Variants in AFF2 observed in about 807,000 individuals in gnomAD.
AFF2 encodes the protein AF4/FMR2 family member 2.
A neutral mutation model predicts 76.9 loss-of-function variants in AFF2; 14 were observed. That is an observed-to-expected ratio of 0.18 (90% CI 0.12 to 0.28). AFF2 has a LOEUF of 0.28. Ranked by LOEUF, AFF2 falls within the 10% of genes least tolerant of loss-of-function variation. The probability of loss-of-function intolerance (pLI) is 1.00; values close to 1 mark genes in which losing one functional copy is unlikely to be tolerated. For missense variants in AFF2, 868 were observed against 1,001.1 expected, an observed-to-expected ratio of 0.87 and a Z score of 1.79; for synonymous variants, 398 against 366.7, an observed-to-expected ratio of 1.09 and a Z score of -0.98.
At chrX:148,965,118 C>T (rs1205005464) in intron 13 of AFF2, among the ~76,000 whole-genome samples, 1 of 111,639 alleles carries the variant, frequency 9.0e-6, no homozygotes, top group Non-Finnish European at 1.9e-5. Context: ...TCAGGAAGCT[C>T]AAGCTAGCAG....
At chrX:148,588,699 T>C (rs1489229790) in intron 1 of AFF2, among the ~76,000 whole-genome samples, 1 of 112,057 alleles carries the variant, frequency 8.9e-6, no homozygotes, top group African/African-American at 3.2e-5. Context: ...CTTACCAGTG[T>C]AGTCATGTTT....
Position 148,918,270 on chromosome X carries a change from T to C in AFF2, c.1397+14012T>C, listed in dbSNP as rs782780664. Among the ~76,000 whole-genome samples the C allele has an allele frequency of 1.7e-4, 19 of 112,899 alleles. No homozygotes were observed. The Admixed American group carries it at 1.8e-3, about 11-fold the overall frequency. Reference sequence around the variant, plus strand: ...CAAGACTTATTGGCTAGCAGGCCAGTATTCAAATTGTAGCTCTTAACATGC... The same window carrying C: ...CAAGACTTATTGGCTAGCAGGCCAGCATTCAAATTGTAGCTCTTAACATGC... On this transcript the variant is annotated intron_variant, in intron 9 of 20. Transcript: ENST00000370460.
chrX:148,541,434 T>C (rs782543495), intron 1 of AFF2, among the ~76,000 whole-genome samples: 1 of 111,767 alleles, frequency 8.9e-6, no homozygotes, highest in African/African-American at 3.2e-5. Context: ...CAAGGGCCTC[T>C]ATTATTCGCT....
At chrX:148,566,071 G>A (rs2053166647) in intron 1 of AFF2, among the ~76,000 whole-genome samples, 1 of 111,465 alleles carries the variant, frequency 9.0e-6, no homozygotes, top group African/African-American at 3.3e-5. Flanking sequence ...TCTCTGCCAG[G>A]CACTGTGCCA....
chrX:148,618,614 A>T (rs900538466), intron 1 of AFF2, among the ~76,000 whole-genome samples: 10 of 111,121 alleles, frequency 9.0e-5, no homozygotes, highest in East Asian at 8.5e-4. Context: ...GATCTAATTT[A>T]AAAAAAATAC....
intron 3 of AFF2, among the ~76,000 whole-genome samples, chrX:148,669,487 G>T (rs1557258865): frequency 8.9e-6 from 1 of 112,035 alleles, no homozygotes; most frequent in Non-Finnish European, 1.9e-5. Context: ...ACAGTTCCAT[G>T]TGGCTGGGGA....
At chrX:148,586,054 C>A (rs782008102) in intron 1 of AFF2, among the ~76,000 whole-genome samples, 2 of 110,532 alleles carry the variant, frequency 1.8e-5, no homozygotes, top group Non-Finnish European at 3.8e-5. Flanking sequence ...GTATATCAGT[C>A]CATTTCTGCC....
At chrX:148,811,750 C>G (rs2070205545) in intron 4 of AFF2, among the ~76,000 whole-genome samples, 1 of 111,722 alleles carries the variant, frequency 9.0e-6, no homozygotes, top group Non-Finnish European at 1.9e-5. Context: ...TGACTAAATG[C>G]AGGAAGGAGG....
intron 1 of AFF2, among the ~76,000 whole-genome samples, chrX:148,582,244 G>GTGATATCATT (rs1557245221): frequency 1.3e-4 from 14 of 111,223 alleles, no homozygotes; most frequent in African/African-American, 4.6e-4. Flanking sequence ...TTTGCTTAAG[G>GTGATATCATT]TGGTAAGGTG....
At chrX:148,930,067 G>A (rs1479625893) in intron 9 of AFF2, among the ~76,000 whole-genome samples, 4 of 111,588 alleles carry the variant, frequency 3.6e-5, no homozygotes, top group Non-Finnish European at 7.5e-5. Flanking sequence ...GATTTTTACC[G>A]GCAAATGGGA....
chrX:148,944,940 T>C (rs889194052), intron 9 of AFF2, among the ~76,000 whole-genome samples: 3 of 111,948 alleles, frequency 2.7e-5, no homozygotes, highest in Admixed American at 9.4e-5. Context: ...TTCTCAGCTG[T>C]AAACTGGAAG....
At chrX:148,663,682 A>T (rs1218260887) in intron 3 of AFF2, among the ~76,000 whole-genome samples, 1 of 112,244 alleles carries the variant, frequency 8.9e-6, no homozygotes, top group Non-Finnish European at 1.9e-5. Context: ...GTCACTGGTG[A>T]CTAAAGGCTT....
At chrX:148,568,429 C>A (rs966609036) in intron 1 of AFF2, among the ~76,000 whole-genome samples, 18 of 111,919 alleles carry the variant, frequency 1.6e-4, no homozygotes, top group Non-Finnish European at 3.4e-4. Flanking sequence ...GAATGTTGGA[C>A]AAGACTTACA....
chrX:148,608,351 G>A (rs1332615990), intron 1 of AFF2, among the ~76,000 whole-genome samples: 1 of 111,124 alleles, frequency 9.0e-6, no homozygotes, highest in Non-Finnish European at 1.9e-5. Context: ...TAAAGAAATG[G>A]GAAAGATGTC....
At chrX:148,515,501 T>C (rs1282016323) in intron 1 of AFF2, among the ~76,000 whole-genome samples, 1 of 112,302 alleles carries the variant, frequency 8.9e-6, no homozygotes, top group African/African-American at 3.2e-5. Flanking sequence ...TTAGTACTGA[T>C]ACTTTGTATC....
chrX:148,893,368 A>T (rs1387015014), intron 8 of AFF2, among the ~76,000 whole-genome samples: 2 of 111,647 alleles, frequency 1.8e-5, no homozygotes, highest in African/African-American at 6.5e-5. Flanking sequence ...TGTGTGCTGA[A>T]TTTTTTTATT....
intron 1 of AFF2, among the ~76,000 whole-genome samples, chrX:148,508,229 A>G (rs2052444981): frequency 8.9e-6 from 1 of 112,162 alleles, no homozygotes; most frequent in African/African-American, 3.2e-5. Context: ...TGCATCATCT[A>G]CCATCTTCAA....
intron 7 of AFF2, among the ~76,000 whole-genome samples, chrX:148,859,963 A>T (rs1384780544): frequency 9.0e-6 from 1 of 111,533 alleles, no homozygotes; most frequent in Non-Finnish European, 1.9e-5. Context: ...ATGCTATCCC[A>T]TGCACTTTCC....
chrX:148,523,141 A>T (rs189711301), intron 1 of AFF2, among the ~76,000 whole-genome samples: 2 of 112,492 alleles, frequency 1.8e-5, no homozygotes, highest in African/African-American at 6.4e-5. Context: ...GTAGCTGCTA[A>T]TGTTAATATC....
Sources: gnomAD v4.1 joint callset for allele counts (sites outside exome capture counted in the v4.1 genomes callset) on GRCh38, gnomAD v4.1.1 for gene constraint, MANE v1.5 for transcripts, NCBI Gene and HGNC (gene_info 2026-07-23, HGNC 2026-07-21) for gene names.